Variants in R3HDM2 observed in about 807,000 individuals in gnomAD.
The protein encoded by R3HDM2 is R3H domain-containing protein 2.
A neutral mutation model predicts 124.5 loss-of-function variants in R3HDM2; 38 were observed. The observed-to-expected ratio is 0.31, with a 90% CI of 0.24 to 0.40. The LOEUF is 0.40. Among genes scored for constraint, R3HDM2 ranks in the 10% least tolerant of loss-of-function variants. The probability of loss-of-function intolerance (pLI) is 1.00; values close to 1 mark genes in which losing one functional copy is unlikely to be tolerated. For synonymous variants in R3HDM2, 391 were observed against 448.0 expected, an observed-to-expected ratio of 0.87 and a Z score of 1.61; for missense variants, 869 against 1,236.9, an observed-to-expected ratio of 0.70 and a Z score of 4.46.
chr12:57,413,015 G>C (rs1460031913), intron 1 of R3HDM2, among the ~76,000 whole-genome samples: 1 of 152,178 alleles, frequency 6.6e-6, no homozygotes, highest in East Asian at 1.9e-4. Flanking sequence ...TTAGCCAGGC[G>C]TGGTGGCATG....
intron 1 of R3HDM2, among the ~76,000 whole-genome samples, chr12:57,397,673 A>G (rs1201532890): frequency 6.6e-6 from 1 of 152,018 alleles, no homozygotes; most frequent in African/African-American, 2.4e-5. Flanking sequence ...TTCCCATGTA[A>G]TACCTTGTTC....
At chr12:57,273,490 C>G (rs1383126134) in intron 14 of R3HDM2, among the ~76,000 whole-genome samples, 1 of 152,134 alleles carries the variant, frequency 6.6e-6, no homozygotes, top group Non-Finnish European at 1.5e-5. Flanking sequence ...GGGAAAATAA[C>G]ATTGGTATAT....
chr12:57,364,551 C>G (rs1169625493), intron 2 of R3HDM2, among the ~76,000 whole-genome samples: 2 of 152,130 alleles, frequency 1.3e-5, no homozygotes, highest in Admixed American at 6.5e-5. Flanking sequence ...CCCAAGGGCT[C>G]TCTCCTTGAC....
chr12:57,374,342 A>G (rs796259782), intron 2 of R3HDM2, among the ~76,000 whole-genome samples: 7 of 151,776 alleles, frequency 4.6e-5, no homozygotes, highest in African/African-American at 1.7e-4. Flanking sequence ...AGTCTGATGA[A>G]TAGTGTGTGG....
chr12:57,417,790 T>C (rs974200015), intron 1 of R3HDM2, among the ~76,000 whole-genome samples: 4 of 152,184 alleles, frequency 2.6e-5, no homozygotes, highest in Non-Finnish European at 4.4e-5. Context: ...CAGCTTATGT[T>C]TGCTCCTTCC....
chr12:57,331,927 A>C (rs545290027), intron 2 of R3HDM2, among the ~76,000 whole-genome samples: 2 of 147,328 alleles, frequency 1.4e-5, no homozygotes, highest in Admixed American at 1.4e-4. Context: ...AAAAAAAAAA[A>C]TTTTTTTTTT....
chr12:57,374,077 G>A (rs1301368355), intron 2 of R3HDM2, among the ~76,000 whole-genome samples: 1 of 151,602 alleles, frequency 6.6e-6, no homozygotes, highest in Non-Finnish European at 1.5e-5. Context: ...GCAGTGAGAT[G>A]AGATCGCACC....
intron 19 of R3HDM2, among the ~76,000 whole-genome samples, chr12:57,260,263 CAAA>C (rs566868060): frequency 0.068 from 2,153 of 31,506 alleles, 81 homozygotes; most frequent in Middle Eastern, 0.2. Context: ...GACCCTGCCT[CAAA>C]AAAAAAAAAA....
At chr12:57,322,888 C>G (rs541957231) in intron 2 of R3HDM2, among the ~76,000 whole-genome samples, 1 of 152,182 alleles carries the variant, frequency 6.6e-6, no homozygotes, top group South Asian at 2.1e-4. Context: ...GATCTGAGGC[C>G]TCTGAGTACC....
chr12:57,320,348 C>A (rs964549490), intron 2 of R3HDM2, among the ~76,000 whole-genome samples: 2 of 140,226 alleles, frequency 1.4e-5, no homozygotes, highest in African/African-American at 5.3e-5. Flanking sequence ...TAATTCCATT[C>A]TTAATAGTTT....
intron 1 of R3HDM2, among the ~76,000 whole-genome samples, chr12:57,425,071 G>A (rs1440289395): frequency 3.9e-5 from 6 of 152,108 alleles, no homozygotes; most frequent in African/African-American, 1.4e-4. Context: ...TCGGGAGTTC[G>A]AGACCAGCCT....
intron 1 of R3HDM2, among the ~76,000 whole-genome samples, chr12:57,413,152 C>CA (rs945573121): frequency 5.3e-5 from 8 of 149,664 alleles, no homozygotes; most frequent in Middle Eastern, 3.2e-3. Flanking sequence ...GACTCTGTCT[C>CA]AAAAAAAAGA....
At chr12:57,287,606 T>C (rs528879368) in intron 12 of R3HDM2, among the ~76,000 whole-genome samples, 2 of 152,252 alleles carry the variant, frequency 1.3e-5, no homozygotes, top group South Asian at 4.1e-4. Flanking sequence ...ACTACAGTAG[T>C]AGGAGTGAGA....
At chr12:57,275,982 C>T (rs2044602708) in intron 14 of R3HDM2, among the ~76,000 whole-genome samples, 1 of 152,050 alleles carries the variant, frequency 6.6e-6, no homozygotes, top group African/African-American at 2.4e-5. Flanking sequence ...CTTTGGGAGG[C>T]CAAGGCGGGC....
chr12:57,267,455 T>G (rs1264363421), intron 18 of R3HDM2, among the ~76,000 whole-genome samples: 1 of 152,174 alleles, frequency 6.6e-6, no homozygotes, highest in Non-Finnish European at 1.5e-5. Context: ...CTCAGGAGGC[T>G]GAGACAGGAG....
chr12:57,419,225 C>A (rs2069950765), intron 1 of R3HDM2, among the ~76,000 whole-genome samples: 1 of 150,950 alleles, frequency 6.6e-6, no homozygotes, highest in African/African-American at 2.4e-5. Context: ...CTCACTGCAA[C>A]CTCCGCCTCC....
At position 57,253,991 on chromosome 12, in the gene R3HDM2, G is replaced by A. The variant is rs1359160676; in HGVS notation, c.*782C>T. 1 of 385,784 alleles carries A rather than the reference G, an allele frequency of 2.6e-6. No homozygotes were observed. The highest frequency in any genetic ancestry group is 2.0e-5 in the South Asian group (1 of 51,184). 23.9% of individuals were successfully genotyped at this position (385,784 alleles called of 1,614,324 possible). ...GGAATCCCAAGTTTTAACTCTGTGG[G>A]GTCTAGGAAGACAAGATGGGGAAGT... is the stretch of plus-strand genomic sequence containing the variant. On this transcript the variant is annotated 3_prime_UTR_variant, in exon 24 of 24. Transcript: ENST00000402412.
At chr12:57,333,662 G>A (rs1260571127) in intron 2 of R3HDM2, among the ~76,000 whole-genome samples, 3 of 151,758 alleles carry the variant, frequency 2.0e-5, no homozygotes, top group Non-Finnish European at 2.9e-5. Flanking sequence ...ACTGCAGCCT[G>A]GGTGACAAGA....
At chr12:57,301,468 T>A (rs1592960571) in intron 4 of R3HDM2, among the ~76,000 whole-genome samples, 1 of 152,234 alleles carries the variant, frequency 6.6e-6, no homozygotes. Flanking sequence ...CCTAATTCTG[T>A]CACTTGCTAC....
Sources: allele counts gnomAD v4.1 joint callset (sites outside exome capture counted in the v4.1 genomes callset), GRCh38; gene constraint gnomAD v4.1.1; transcripts MANE v1.5; gene names NCBI Gene and HGNC (gene_info 2026-07-23, HGNC 2026-07-21).